Variants in KRIT1 observed in about 807,000 individuals in gnomAD.
KRIT1 encodes the protein KRIT1 ankyrin repeat containing.
A neutral mutation model predicts 95.8 loss-of-function variants in KRIT1; 45 were observed. The observed-to-expected ratio is 0.47, with a 90% confidence interval of 0.37 to 0.60. The LOEUF (loss-of-function observed/expected upper bound fraction) is 0.60. Ranked by LOEUF, KRIT1 falls within the 20% of genes least tolerant of loss-of-function variation. The probability of loss-of-function intolerance (pLI) is 0.00; values close to 1 mark genes in which losing one functional copy is unlikely to be tolerated. For missense variants in KRIT1, 788 were observed against 877.5 expected (o/e 0.90, Z 1.29); for synonymous variants, 282 against 278.8 (o/e 1.01, Z -0.11).
intron 10 of KRIT1, among the ~76,000 whole-genome samples, chr7:92,227,162 T>C (rs1286944728): frequency 1.3e-5 from 2 of 152,254 alleles, no homozygotes; most frequent in Non-Finnish European, 2.9e-5. Context: ...ATAAAATATG[T>C]GGTCTCTACC....
intron 12 of KRIT1, among the ~76,000 whole-genome samples, chr7:92,223,711 C>T (rs1795641343): frequency 6.6e-6 from 1 of 152,056 alleles, no homozygotes; most frequent in Non-Finnish European, 1.5e-5. Flanking sequence ...TGTGTACCAC[C>T]AGTAACTTGT....
intron 14 of KRIT1, among the ~76,000 whole-genome samples, chr7:92,220,049 G>A (rs1794811666): frequency 6.6e-6 from 1 of 152,086 alleles, no homozygotes; most frequent in Non-Finnish European, 1.5e-5. Flanking sequence ...TACGTCATTT[G>A]CCAAAAACTA....
intron 14 of KRIT1, among the ~76,000 whole-genome samples, chr7:92,216,253 C>A (rs1175964495): frequency 1.3e-5 from 2 of 148,714 alleles, no homozygotes; most frequent in African/African-American, 4.9e-5. Flanking sequence ...AAGATTTTTG[C>A]AACATTAACT....
chr7:92,235,333 C>T, intron 8 of KRIT1, 70 bp downstream of exon 8: 1 of 1,478,062 alleles, frequency 6.8e-7, no homozygotes, highest in Non-Finnish European at 9.4e-7. Context: ...ATGTATATAT[C>T]TCAGGAAAAA....
At chr7:92,240,512 T>C (rs977609222) in intron 5 of KRIT1, among the ~76,000 whole-genome samples, 31 of 152,350 alleles carry the variant, frequency 2.0e-4, no homozygotes, top group Admixed American at 1.7e-3. Flanking sequence ...CTATCTATTA[T>C]GTAATATTTT....
chr7:92,220,838 C>T (rs978762100), intron 14 of KRIT1, among the ~76,000 whole-genome samples: 16 of 151,624 alleles, frequency 1.1e-4, no homozygotes, highest in Admixed American at 1.3e-4. Context: ...GGATTACAGG[C>T]GCCCACCACC....
At chr7:92,205,050 T>C (rs1470195004) in intron 17 of KRIT1, among the ~76,000 whole-genome samples, 1 of 152,116 alleles carries the variant, frequency 6.6e-6, no homozygotes, top group African/African-American at 2.4e-5. Context: ...TAAAGACCTA[T>C]CAAGACACAT....
At chr7:92,213,540 G>C (rs1584797226) in intron 16 of KRIT1, 139 bp from the exon 17 acceptor site, 1 of 639,726 alleles carries the variant, frequency 1.6e-6, no homozygotes, top group Non-Finnish European at 2.7e-6. Context: ...ATTGTATCAG[G>C]AGTACTTTTT....
intron 10 of KRIT1, among the ~76,000 whole-genome samples, chr7:92,231,405 T>C (rs1353463738): frequency 6.6e-6 from 1 of 152,188 alleles, no homozygotes; most frequent in Non-Finnish European, 1.5e-5. Context: ...AACACTGGAT[T>C]TAATCCACAT....
intron 10 of KRIT1, among the ~76,000 whole-genome samples, chr7:92,227,430 G>A (rs1796416370): frequency 6.6e-6 from 1 of 152,018 alleles, no homozygotes; most frequent in Non-Finnish European, 1.5e-5. Context: ...GGGCATTGTG[G>A]CGCACGCCTG....
Position 92,201,431 on chromosome 7 carries a change from A to G in KRIT1, c.2026-8T>C. 1 of 1,282,252 alleles carries G rather than the reference A, an allele frequency of 7.8e-7. No homozygotes were observed. Among genetic ancestry groups the G allele is most frequent in the Non-Finnish European group, 1.1e-6 (1 of 877,386 alleles). 79.4% of individuals were successfully genotyped at this position (1,282,252 alleles called of 1,614,324 possible). ...AAGACTGATGAGTAAAGCCTGCAACATAATTGGAAACAACTATATTGAAAT... is the reference window on the plus strand; with the variant it reads ...AAGACTGATGAGTAAAGCCTGCAACGTAATTGGAAACAACTATATTGAAAT... On this transcript the variant is annotated splice_polypyrimidine_tract_variant and splice_region_variant and intron_variant, in intron 17 of 18. Coordinates refer to ENST00000394505, the MANE Select transcript of KRIT1 (RefSeq NM_194454.3).
chr7:92,225,498 G>A (rs982219760), intron 12 of KRIT1, among the ~76,000 whole-genome samples: 2 of 152,016 alleles, frequency 1.3e-5, no homozygotes, highest in African/African-American at 4.8e-5. Flanking sequence ...CATAGAGATG[G>A]GGTTTCACCA....
intron 14 of KRIT1, among the ~76,000 whole-genome samples, chr7:92,216,096 G>A (rs1793924612): frequency 6.6e-6 from 1 of 151,812 alleles, no homozygotes; most frequent in South Asian, 2.1e-4. Flanking sequence ...AGGCATGGTG[G>A]CAGGCGCCTG....
intron 10 of KRIT1, among the ~76,000 whole-genome samples, chr7:92,230,864 AAAAG>A (rs1325733148): frequency 1.3e-5 from 2 of 152,166 alleles, no homozygotes; most frequent in African/African-American, 2.4e-5. Context: ...TGAAAGTAGA[AAAAG>A]AAAGTAGTGA....
rs1057302014 is a variant in KRIT1 at position 92,214,588 on chromosome 7, C to G, written c.1730+23G>C. 3.2e-6 allele frequency: 5 copies of G among 1,544,636 alleles called. No homozygotes were observed. In the African/African-American group the frequency reaches 6.8e-5, roughly 21 times the overall value. ...CAGAATCTTAAGCATAGCACAAGACCATGCATAATATTAAATACTTACTTT... is the reference window on the plus strand; with the variant it reads ...CAGAATCTTAAGCATAGCACAAGACGATGCATAATATTAAATACTTACTTT... On this transcript the variant is annotated intron_variant, in intron 15 of 18. Coordinates refer to ENST00000394505, the MANE Select transcript of KRIT1 (RefSeq NM_194454.3).
intron 5 of KRIT1, among the ~76,000 whole-genome samples, chr7:92,238,698 T>G (rs1185126880): frequency 6.6e-6 from 1 of 152,228 alleles, no homozygotes; most frequent in African/African-American, 2.4e-5. Flanking sequence ...CGATCCATTA[T>G]TTAAATGCCT....
chr7:92,227,419 C>T (rs375019016), intron 10 of KRIT1, among the ~76,000 whole-genome samples: 2 of 151,722 alleles, frequency 1.3e-5, no homozygotes, highest in African/African-American at 2.4e-5. Context: ...AAAAATTAGG[C>T]GGGCATTGTG....
chr7:92,201,737 C>T (rs886890784), intron 17 of KRIT1, among the ~76,000 whole-genome samples: 7 of 152,042 alleles, frequency 4.6e-5, no homozygotes, highest in Admixed American at 3.9e-4. Context: ...TCCCTGCGTC[C>T]AAGTATTCCT....
At chr7:92,220,194 T>C (rs531348859) in intron 14 of KRIT1, among the ~76,000 whole-genome samples, 8 of 152,320 alleles carry the variant, frequency 5.3e-5, no homozygotes, top group African/African-American at 1.9e-4. Flanking sequence ...GCTGAGAAGT[T>C]CGCTTGTATT....
Sources: allele counts gnomAD v4.1 joint callset (sites outside exome capture counted in the v4.1 genomes callset), GRCh38; gene constraint gnomAD v4.1.1; transcripts MANE v1.5; gene names NCBI Gene and HGNC (gene_info 2026-07-23, HGNC 2026-07-21).